Variants in FAM228B observed in about 807,000 individuals in gnomAD.
The protein encoded by FAM228B is protein FAM228B.
FAM228B carries 38 observed loss-of-function variants against 42.6 expected under a neutral mutation model. The ratio of observed to expected loss-of-function variants is 0.89; its 90% confidence interval spans 0.69 to 1.17. FAM228B has a LOEUF of 1.17. FAM228B is among the 50% of genes most tolerant of loss of function. The pLI is 0.00. For missense variants in FAM228B, 344 were observed against 367.3 expected (o/e 0.94, Z 0.52); for synonymous variants, 109 against 122.3 (o/e 0.89, Z 0.72).
chr2:24,159,635 T>C (rs1667242710), intron 7 of FAM228B, among the ~76,000 whole-genome samples: 1 of 152,244 alleles, frequency 6.6e-6, no homozygotes. Flanking sequence ...GATATAGGTA[T>C]GGGAGACAGC....
chr2:24,139,370 G>A lies in FAM228B; in HGVS notation c.361G>A (p.Gly121Arg), dbSNP rs762881129. The change falls in exon 5 of 11, where the codon GGA (glycine) becomes AGA (arginine). Residue 121 changes from glycine (G) to arginine (R), a missense_variant and splice_region_variant. Gly to Arg is a moderately radical substitution (Grantham distance 125). Transcript: ENST00000615575. ...DGFLKHVNKK[G>R]NAFIEHYDPK... ...GTATCGTTTTATTTCCTTGCTATAG[G>A]GAAATGCATTTATAGAACATTATGA... is the stretch of plus-strand genomic sequence containing the variant. The A allele has an allele frequency of 1.3e-6, 2 of 1,526,918 alleles. No homozygotes were observed. The highest frequency in any genetic ancestry group is 2.4e-5 in the South Asian group (2 of 82,496). The allele number at this position is 1,526,918 out of a possible 1,614,324, so 94.6% of individuals were successfully genotyped here.
chr2:24,090,995 T>C (rs1665378533), intron 2 of FAM228B, among the ~76,000 whole-genome samples: 3 of 152,208 alleles, frequency 2.0e-5, no homozygotes, highest in Admixed American at 2.0e-4. Flanking sequence ...AGATACGAGG[T>C]TATGCCATGT....
intron 3 of FAM228B, chr2:24,115,238 G>A: frequency 4.3e-6 from 1 of 231,120 alleles, no homozygotes; most frequent in Non-Finnish European, 8.7e-6. Context: ...CCTGAGAAAT[G>A]TCTTGGATAA....
chr2:24,133,167 A>G (rs541392553), intron 2 of FAM228B, among the ~76,000 whole-genome samples: 184 of 152,256 alleles, frequency 1.2e-3, no homozygotes, highest in African/African-American at 4.3e-3. Context: ...AAAACTGGAA[A>G]TTCATCTAGT....
intron 2 of FAM228B, among the ~76,000 whole-genome samples, chr2:24,091,290 G>C (rs1665386045): frequency 6.6e-6 from 1 of 152,092 alleles, no homozygotes. Context: ...AAAATTAGCC[G>C]GGCGTGGTGG....
chr2:24,093,322 C>A (rs527990376), intron 2 of FAM228B, among the ~76,000 whole-genome samples: 2 of 151,688 alleles, frequency 1.3e-5, no homozygotes, highest in East Asian at 3.9e-4. Context: ...CCCCAACAGG[C>A]CCCGGTGTGT....
Position 24,138,105 on chromosome 2 carries a change from T to A in FAM228B, c.360+5T>A. ...TTAAAACATGTAAATAAAAAGGTAC[T>A]AAGAGATCATTTGATGCTTTTTTCA... On this transcript the variant is annotated splice_donor_5th_base_variant and intron_variant, in intron 4 of 10. Coordinates refer to ENST00000615575, the MANE Select transcript of FAM228B (RefSeq NM_001145710.2). The A allele has an allele frequency of 6.6e-7, 1 of 1,515,648 alleles. No homozygotes were observed. The highest frequency in any genetic ancestry group is 8.8e-7 in the Non-Finnish European group (1 of 1,134,972). 93.9% of individuals were successfully genotyped at this position (1,515,648 alleles called of 1,614,324 possible).
chr2:24,104,721 G>A (rs1475232805), intron 3 of FAM228B, among the ~76,000 whole-genome samples: 4 of 152,204 alleles, frequency 2.6e-5, no homozygotes, highest in Admixed American at 2.6e-4. Flanking sequence ...TGGCCCAGCA[G>A]CTCTGCTTCT....
At chr2:24,158,934 A>G (rs2151029815) in intron 7 of FAM228B, among the ~76,000 whole-genome samples, 1 of 152,314 alleles carries the variant, frequency 6.6e-6, no homozygotes, top group East Asian at 1.9e-4. Flanking sequence ...AGGTACTGGC[A>G]GGGCCACTCT....
At chr2:24,130,036 C>T (rs1666419120) in intron 2 of FAM228B, among the ~76,000 whole-genome samples, 1 of 152,158 alleles carries the variant, frequency 6.6e-6, no homozygotes, top group Admixed American at 6.5e-5. Context: ...TTGTTCAGCT[C>T]CCAGTTATGA....
At chr2:24,157,736 T>G (rs1667180908) in intron 7 of FAM228B, among the ~76,000 whole-genome samples, 2 of 42,246 alleles carry the variant, frequency 4.7e-5, no homozygotes, top group Admixed American at 6.6e-4. Flanking sequence ...AGACTCTGTC[T>G]CAAAAAAAAA....
chr2:24,166,363 C>T (rs2151033742), intron 9 of FAM228B: 1 of 152,276 alleles, frequency 6.6e-6, no homozygotes, highest in South Asian at 2.1e-4. Flanking sequence ...TCCTTTCTGA[C>T]TGTCTCTCCA....
intron 2 of FAM228B, among the ~76,000 whole-genome samples, chr2:24,124,861 A>G (rs892447778): frequency 1.3e-5 from 2 of 152,116 alleles, no homozygotes; most frequent in Non-Finnish European, 2.9e-5. Flanking sequence ...TGTCTGGCTA[A>G]TTTTTGTATT....
intron 5 of FAM228B, chr2:24,142,747 G>T (rs1450369881): frequency 6.6e-6 from 1 of 152,196 alleles, no homozygotes. Flanking sequence ...ATGATAAAAG[G>T]TGAGCTTTCA....
chr2:24,106,232 A>G (rs1411918690), intron 3 of FAM228B, among the ~76,000 whole-genome samples: 4 of 152,122 alleles, frequency 2.6e-5, no homozygotes. Context: ...GGTTACCTAC[A>G]AAGGGAACTC....
At chr2:24,098,186 G>C (rs903670876) in intron 3 of FAM228B, among the ~76,000 whole-genome samples, 10 of 152,138 alleles carry the variant, frequency 6.6e-5, no homozygotes, top group Non-Finnish European at 1.5e-4. Context: ...AAGCAGGAAA[G>C]ATCTAAAATT....
rs564292793 is a variant in FAM228B at position 24,091,280 on chromosome 2, A to C, written c.-209-3861A>C. 2.3e-4 allele frequency among the ~76,000 whole-genome samples: 35 copies of C among 152,268 alleles called. No individual in the cohort carries two copies. The East Asian group carries it at 6.6e-3, about 29-fold the overall frequency. On this transcript the variant is annotated intron_variant, in intron 2 of 10. Transcript: ENST00000613899. Reference sequence around the variant, plus strand: ...AACCCCGCCTCTACTAAAAATACAAAAAATTAGCCGGGCGTGGTGGCGGGC... The same window carrying C: ...AACCCCGCCTCTACTAAAAATACAACAAATTAGCCGGGCGTGGTGGCGGGC...
Position 24,103,772 on chromosome 2 carries a change from G to A in FAM228B, c.-121+8543G>A, listed in dbSNP as rs141476016. On this transcript the variant is annotated intron_variant, in intron 3 of 10. Coordinates refer to the FAM228B transcript ENST00000613899. ...GTCCAGGTCAGACTCCCTGCCTGTC[G>A]GTATGTGGAGCGCGGGTCTACAGCT... Among the ~76,000 whole-genome samples the A allele has an allele frequency of 3.5e-3, 540 of 152,304 alleles. 2 individuals are homozygous for A. The highest frequency in any genetic ancestry group is 4.5e-3 in the Non-Finnish European group (308 of 68,022).
At position 24,110,180 on chromosome 2, in the gene FAM228B, A is replaced by T. The variant is rs867597841; in HGVS notation, c.-121+14951A>T. Among the ~76,000 whole-genome samples, 13 of 152,306 alleles carry T rather than the reference A, an allele frequency of 8.5e-5. No homozygotes were observed. In the Middle Eastern group the frequency reaches 0.01, roughly 120 times the overall value. On this transcript the variant is annotated intron_variant, in intron 3 of 10. Coordinates refer to the FAM228B transcript ENST00000613899. ...TTATCCTTAGCAAACTAAGACAGGG[A>T]CAGAAAACCAAATACCACCTGTTCT...
Sources: gnomAD v4.1 joint callset for allele counts (sites outside exome capture counted in the v4.1 genomes callset) on GRCh38, gnomAD v4.1.1 for gene constraint, MANE v1.5 for transcripts, NCBI Gene and HGNC (gene_info 2026-07-23, HGNC 2026-07-21) for gene names.